The following CSMD1 variants were observed in gnomAD, a reference collection of about 807,000 sequenced individuals.
The protein encoded by CSMD1 is CUB and sushi domain-containing protein 1.
A neutral mutation model predicts 417.5 loss-of-function variants in CSMD1; 213 were observed. The observed-to-expected ratio is 0.51, with a 90% CI of 0.46 to 0.57. The LOEUF is 0.57. Among genes scored for constraint, CSMD1 ranks in the 20% least tolerant of loss-of-function variants. CSMD1 has a pLI of 0.00. For missense variants in CSMD1, 6,923 were observed against 4,529.7 expected, an observed-to-expected ratio of 1.53 and a Z score of -15.17; for synonymous variants, 2,862 against 1,736.8, an observed-to-expected ratio of 1.65 and a Z score of -16.11.
intron 1 of CSMD1, among the ~76,000 whole-genome samples, chr8:4,781,543 T>C (rs1797152886): frequency 6.6e-6 from 1 of 152,266 alleles, no homozygotes; most frequent in East Asian, 1.9e-4. Context: ...ATAAGGCCAA[T>C]AGGATAATAA....
intron 1 of CSMD1, among the ~76,000 whole-genome samples, chr8:4,830,758 A>C (rs1175709646): frequency 6.6e-6 from 1 of 152,200 alleles, no homozygotes; most frequent in Non-Finnish European, 1.5e-5. Context: ...GGACTTTAAG[A>C]AATATAAGCA....
intron 5 of CSMD1, among the ~76,000 whole-genome samples, chr8:3,852,985 G>C (rs936786256): frequency 6.6e-6 from 1 of 152,122 alleles, no homozygotes; most frequent in Non-Finnish European, 1.5e-5. Context: ...CTCCCCAAGA[G>C]TGTTCTTGAC....
chr8:4,062,069 C>T (rs542089242), intron 3 of CSMD1, among the ~76,000 whole-genome samples: 3 of 152,096 alleles, frequency 2.0e-5, no homozygotes, highest in African/African-American at 7.2e-5. Flanking sequence ...CGTGGTGGAG[C>T]CAGGTGCCAG....
intron 5 of CSMD1, among the ~76,000 whole-genome samples, chr8:3,897,405 G>C (rs571219832): frequency 2.0e-5 from 3 of 152,056 alleles, no homozygotes; most frequent in Non-Finnish European, 2.9e-5. Context: ...AAAACAAAAT[G>C]TTTCTCAAAG....
chr8:3,982,917 T>C (rs2554725), intron 5 of CSMD1, among the ~76,000 whole-genome samples: 39,557 of 151,906 alleles, frequency 0.26, 5,238 homozygotes, highest in Non-Finnish European at 0.29. Flanking sequence ...CTTTGAAAAA[T>C]AGATATTGTT....
chr8:3,266,442 T>A (rs930296093), intron 26 of CSMD1, among the ~76,000 whole-genome samples: 3 of 150,788 alleles, frequency 2.0e-5, no homozygotes, highest in Non-Finnish European at 3.0e-5. Context: ...CCCATTTCTA[T>A]GAAAAATACA....
intron 27 of CSMD1, among the ~76,000 whole-genome samples, chr8:3,226,581 C>CAAAAA (rs35840582): frequency 8.9e-5 from 6 of 67,718 alleles, no homozygotes; most frequent in Non-Finnish European, 1.3e-4. Context: ...GACTCTGTCT[C>CAAAAA]AAAAAAAAAA....
At chr8:4,802,691 G>A (rs776463899) in intron 1 of CSMD1, among the ~76,000 whole-genome samples, 1 of 152,006 alleles carries the variant, frequency 6.6e-6, no homozygotes, top group Admixed American at 6.6e-5. Flanking sequence ...ACTGTGAAAG[G>A]CTTTGTTTTC....
chr8:3,979,460 A>T (rs1813691993), intron 5 of CSMD1, among the ~76,000 whole-genome samples: 1 of 152,180 alleles, frequency 6.6e-6, no homozygotes, highest in Non-Finnish European at 1.5e-5. Flanking sequence ...AACTCACAGG[A>T]TACAGTGTGT....
At chr8:4,052,461 C>G (rs1400940168) in intron 3 of CSMD1, among the ~76,000 whole-genome samples, 1 of 152,156 alleles carries the variant, frequency 6.6e-6, no homozygotes, top group Non-Finnish European at 1.5e-5. Context: ...TTGCCCACTG[C>G]AAGATGGATA....
intron 3 of CSMD1, among the ~76,000 whole-genome samples, chr8:4,175,010 C>G (rs1164168958): frequency 6.6e-6 from 1 of 151,616 alleles, no homozygotes; most frequent in Non-Finnish European, 1.5e-5. Flanking sequence ...TCTTATCTCA[C>G]TCTTTTCCAC....
At chr8:3,524,260 C>G (rs1797656218) in intron 10 of CSMD1, among the ~76,000 whole-genome samples, 1 of 150,866 alleles carries the variant, frequency 6.6e-6, no homozygotes, top group Non-Finnish European at 1.5e-5. Context: ...GACATACACA[C>G]AAGCACACAC....
chr8:3,220,050 C>G (rs1413188837), intron 28 of CSMD1, among the ~76,000 whole-genome samples: 1 of 150,888 alleles, frequency 6.6e-6, no homozygotes, highest in Non-Finnish European at 1.5e-5. Flanking sequence ...GAAGCTAAGG[C>G]TGGATGATCA....
At chr8:3,503,331 A>G (rs1796686209) in intron 10 of CSMD1, among the ~76,000 whole-genome samples, 1 of 152,260 alleles carries the variant, frequency 6.6e-6, no homozygotes, top group South Asian at 2.1e-4. Context: ...TATGAAGAAG[A>G]GGATTCACAC....
chr8:3,213,344 G>A (rs1336618305), intron 30 of CSMD1, among the ~76,000 whole-genome samples: 1 of 152,034 alleles, frequency 6.6e-6, no homozygotes, highest in Non-Finnish European at 1.5e-5. Context: ...AAATGTAAAA[G>A]GTACAAGTCA....
At chr8:4,016,823 G>A (rs56065554) in intron 4 of CSMD1, among the ~76,000 whole-genome samples, 2 of 152,072 alleles carry the variant, frequency 1.3e-5, no homozygotes, top group East Asian at 3.9e-4. Context: ...CATCCATGAG[G>A]TTGTTGGAAG....
chr8:4,060,891 C>T (rs1178208389), intron 3 of CSMD1, among the ~76,000 whole-genome samples: 1 of 152,162 alleles, frequency 6.6e-6, no homozygotes, highest in Non-Finnish European at 1.5e-5. Context: ...AAAAATAAAA[C>T]TCCCACTAAG....
chr8:3,516,127 C>G (rs1411995909), intron 10 of CSMD1, among the ~76,000 whole-genome samples: 1 of 152,188 alleles, frequency 6.6e-6, no homozygotes, highest in Non-Finnish European at 1.5e-5. Flanking sequence ...AGAGGAGGAA[C>G]AGAATGTAAA....
chr8:3,885,945 G>A (rs1253515921), intron 5 of CSMD1, among the ~76,000 whole-genome samples: 1 of 151,890 alleles, frequency 6.6e-6, no homozygotes, highest in Non-Finnish European at 1.5e-5. Context: ...AAGTTGATAA[G>A]TTATGGGCAT....
Sources: gnomAD v4.1 joint callset for allele counts (sites outside exome capture counted in the v4.1 genomes callset) on GRCh38, gnomAD v4.1.1 for gene constraint, MANE v1.5 for transcripts, NCBI Gene and HGNC (gene_info 2026-07-23, HGNC 2026-07-21) for gene names.